Variants in PGAM5 observed in about 807,000 individuals in gnomAD.
PGAM5 encodes serine/threonine-protein phosphatase PGAM5, mitochondrial.
PGAM5 carries 25 observed loss-of-function variants against 30.6 expected under a neutral mutation model. The ratio of observed to expected loss-of-function variants is 0.82; its 90% CI spans 0.60 to 1.14. The LOEUF is 1.14. Among genes scored for constraint, PGAM5 ranks in the 50% most tolerant of loss-of-function variants. The pLI is 0.00. For synonymous variants in PGAM5, 201 were observed against 179.1 expected, an observed-to-expected ratio of 1.12 and a Z score of -0.98; for missense variants, 384 against 408.5, an observed-to-expected ratio of 0.94 and a Z score of 0.52.
At chr12:132,715,160 G>T (rs189729066) in intron 2 of PGAM5, 124 bp downstream of exon 2, 309 of 1,054,332 alleles carry the variant, frequency 2.9e-4, no homozygotes, top group Non-Finnish European at 4.0e-4. Flanking sequence ...CAGCTTTCTT[G>T]AAAGTGCTTG....
chr12:132,717,569 G>C lies in PGAM5; in HGVS notation c.496+5G>C, dbSNP rs770020318. 8.7e-6 allele frequency: 14 copies of C among 1,610,382 alleles called. No homozygotes were observed. The highest frequency in any genetic ancestry group is 3.3e-4 in the Middle Eastern group (2 of 6,082). On this transcript the variant is annotated splice_donor_5th_base_variant and intron_variant, in intron 3 of 5. Transcript: ENST00000498926. ...TCATCAGCCGGCACCTGCCAGGTGAGTGCTGCGCGCGGGGCCTCCATGCTT... is the reference window on the plus strand; with the variant it reads ...TCATCAGCCGGCACCTGCCAGGTGACTGCTGCGCGCGGGGCCTCCATGCTT...
rs80207108 is a variant in PGAM5, at chr12:132,719,084, G to C, written c.719+964G>C. The stretch of plus-strand genomic sequence containing the variant: ...TGCAGCCACGTTAGAGGGCCCCTTG[G>C]GGGGCAGGGCCAGCTCTACGGTTAC... On this transcript the variant is annotated intron_variant, in intron 5 of 5. Coordinates refer to ENST00000498926, the MANE Select transcript of PGAM5 (RefSeq NM_001170543.2). The C allele has an allele frequency of 5.9e-4, 823 of 1,403,478 alleles. 4 individuals carry two copies. In the African/African-American group the frequency reaches 0.01, roughly 17 times the overall value. 86.9% of individuals were successfully genotyped at this position (1,403,478 alleles called of 1,614,324 possible). A position where few individuals can be genotyped will look rare whatever the true frequency, so the allele number is the denominator to read the frequency against.
At chr12:132,719,089 C>T in intron 5 of PGAM5, 1 of 1,399,322 alleles carries the variant, frequency 7.1e-7, no homozygotes, top group South Asian at 1.5e-5. Flanking sequence ...CCTTGGGGGG[C>T]AGGGCCAGCT....
At chr12:132,720,013 GT>G (rs1406301968) in intron 5 of PGAM5, among the ~76,000 whole-genome samples, 1 of 151,384 alleles carries the variant, frequency 6.6e-6, no homozygotes, top group Non-Finnish European at 1.5e-5. Flanking sequence ...AGAAGTCAGC[GT>G]TGTTCTGATC....
chr12:132,712,635 T>C (rs2043534314), intron 1 of PGAM5, among the ~76,000 whole-genome samples: 1 of 151,990 alleles, frequency 6.6e-6, no homozygotes, highest in Non-Finnish European at 1.5e-5. Flanking sequence ...TTTGTATTTT[T>C]AGTAGAGACG....
chr12:132,715,097 G>A, intron 2 of PGAM5, 61 bp downstream of exon 2: 1 of 961,368 alleles, frequency 1.0e-6, no homozygotes, highest in Non-Finnish European at 1.5e-6. Context: ...GTGCATATCT[G>A]CTGGCGCCTT....
chr12:132,717,880 G>A (rs1444803147), intron 4 of PGAM5, 82 bp downstream of exon 4: 9 of 1,593,878 alleles, frequency 5.6e-6, no homozygotes, highest in East Asian at 4.5e-5. Flanking sequence ...CATCCACCAC[G>A]TGCCCGGCCG....
At chr12:132,720,394 G>A (rs1014541426) in intron 5 of PGAM5, among the ~76,000 whole-genome samples, 3 of 150,404 alleles carry the variant, frequency 2.0e-5, no homozygotes, top group East Asian at 2.0e-4. Context: ...TGCAAGCTCC[G>A]CCTCCCGGGT....
chr12:132,715,298 C>T (rs1001544177), intron 2 of PGAM5, among the ~76,000 whole-genome samples: 4 of 152,290 alleles, frequency 2.6e-5, no homozygotes, highest in Admixed American at 6.5e-5. Flanking sequence ...TGGCCGGGCG[C>T]GGTGGCTCAC....
intron 1 of PGAM5, among the ~76,000 whole-genome samples, chr12:132,712,652 C>T (rs143744951): frequency 0.012 from 1,786 of 152,032 alleles, 40 homozygotes; most frequent in African/African-American, 0.041. Context: ...GACGGGGTTT[C>T]TCCATGTCGG....
rs201737936 is a variant in PGAM5 at position 132,717,408 on chromosome 12, G to C, written c.371-31G>C. ...TTTGAGGGTGGAGGAGGGGGTGCAG[G>C]TGCGGCACTCAGGTGCCTTTCACCT... On this transcript the variant is annotated intron_variant, in intron 2 of 5. Coordinates refer to ENST00000498926, the MANE Select transcript of PGAM5 (RefSeq NM_001170543.2). 11 of 1,600,170 alleles carry C rather than the reference G, an allele frequency of 6.9e-6. No homozygotes were observed. The East Asian group carries it at 2.0e-4, about 29-fold the overall frequency.
At chr12:132,715,285 C>A (rs940672968) in intron 2 of PGAM5, among the ~76,000 whole-genome samples, 3 of 152,082 alleles carry the variant, frequency 2.0e-5, no homozygotes, top group Non-Finnish European at 4.4e-5. Context: ...AATGTCCTTA[C>A]CTTGGCCGGG....
In PGAM5 at chr12:132,710,970, C is replaced by T. The variant is rs1364366569; in HGVS notation, c.94C>T (p.Arg32Cys). Residue 32 changes from arginine (R) to cysteine (C), a missense_variant, in exon 1 of 6, where the codon CGC (arginine) becomes TGC (cysteine). Coordinates refer to ENST00000498926, the MANE Select transcript of PGAM5 (RefSeq NM_001170543.2). ...LFSAVAVGKPRAGGDAEPRPA... is the reference protein window; with the variant it reads ...LFSAVAVGKPCAGGDAEPRPA... ...CTCGGCCGTGGCGGTAGGGAAGCCG[C>T]GCGCAGGCGGGGACGCGGAGCCACG... The T allele has an allele frequency of 5.9e-6, 7 of 1,190,588 alleles. No homozygotes were observed. Among genetic ancestry groups the T allele is most frequent in the East Asian group, 7.3e-5 (2 of 27,402 alleles). The allele number at this position is 1,190,588 out of a possible 1,614,324, so 73.8% of individuals were successfully genotyped here. A position where few individuals can be genotyped will look rare whatever the true frequency, so the allele number is the denominator to read the frequency against.
chr12:132,717,357 CGTGTTTGCGGGCGGAGGAGG>C, intron 2 of PGAM5, 62 bp from the exon 3 acceptor site: 1 of 1,162,000 alleles, frequency 8.6e-7, no homozygotes, highest in Non-Finnish European at 1.1e-6. Context: ...TGGAGGAGGG[CGTGTTTGCGGGCGGAGGAGG>C]GGGTGTTTGA....
chr12:132,716,999 T>C (rs1445174414), intron 2 of PGAM5, among the ~76,000 whole-genome samples: 1 of 151,836 alleles, frequency 6.6e-6, no homozygotes, highest in African/African-American at 2.4e-5. Flanking sequence ...CAGCTTGGGG[T>C]GTTTAGGTCC....
intron 1 of PGAM5, among the ~76,000 whole-genome samples, chr12:132,713,702 G>A (rs930288858): frequency 6.6e-6 from 1 of 152,088 alleles, no homozygotes; most frequent in Non-Finnish European, 1.5e-5. Context: ...ACAGGGTCTC[G>A]CTCTGTTGCC....
At chr12:132,718,268 C>A in intron 5 of PGAM5, 148 bp downstream of exon 5, 2 of 1,043,052 alleles carry the variant, frequency 1.9e-6, no homozygotes, top group Non-Finnish European at 2.7e-6. Flanking sequence ...CCCGCGAGTC[C>A]TAGTCAGTTA....
At chr12:132,716,462 C>T (rs113186216) in intron 2 of PGAM5, among the ~76,000 whole-genome samples, 10,952 of 151,922 alleles carry the variant, frequency 0.072, 633 homozygotes, top group Admixed American at 0.13. Context: ...AACTCCTGAC[C>T]TCGTAATCCG....
chr12:132,715,389 G>A (rs550290636), intron 2 of PGAM5, among the ~76,000 whole-genome samples: 4 of 151,224 alleles, frequency 2.6e-5, no homozygotes, highest in Admixed American at 2.0e-4. Flanking sequence ...TGGCCAACCC[G>A]GCAAAACCCT....
Sources: gnomAD v4.1 joint callset for allele counts (sites outside exome capture counted in the v4.1 genomes callset) on GRCh38, gnomAD v4.1.1 for gene constraint, MANE v1.5 for transcripts, NCBI Gene and HGNC (gene_info 2026-07-23, HGNC 2026-07-21) for gene names.